The following TMEM272 variants were observed in gnomAD, a reference collection of about 807,000 sequenced individuals.
The protein encoded by TMEM272 is transmembrane protein 272, also known as long intergenic non-protein coding RNA 282.
A neutral mutation model predicts 3.7 loss-of-function variants in TMEM272; 8 were observed. The observed-to-expected ratio is 2.17, with a 90% CI of 1.27 to 3.91. TMEM272 has a LOEUF of 3.91. Among genes scored for constraint, TMEM272 ranks in the 30% most tolerant of loss-of-function variants. The pLI, the probability that TMEM272 is intolerant of heterozygous loss-of-function variation, is 0.00. For synonymous variants in TMEM272, 63 were observed against 39.8 expected (o/e 1.58, Z -2.20); for missense variants, 166 against 91.5 (o/e 1.81, Z -3.32).
At chr13:51,860,804 A>T in the TMEM272 span, among the ~76,000 whole-genome samples, 1 of 138,006 alleles carries the variant, frequency 7.2e-6, no homozygotes, top group Non-Finnish European at 1.6e-5. Context: ...ATATAGAAAA[A>T]ATATATATAT....
At chr13:51,849,811 G>A (rs151302004), upstream of TMEM272, among the ~76,000 whole-genome samples, 533 of 152,286 alleles carry the variant, frequency 3.5e-3, 5 homozygotes, top group African/African-American at 0.012. Context: ...AGTTCCCAGG[G>A]GCAAGTGTCA....
At chr13:51,922,926 T>C in the TMEM272 span, among the ~76,000 whole-genome samples, 1 of 152,338 alleles carries the variant, frequency 6.6e-6, no homozygotes, top group Non-Finnish European at 1.5e-5. Context: ...GCCACCCACA[T>C]GGTCCAGGAT....
At chr13:51,847,256 T>C (rs1283233768), upstream of TMEM272, among the ~76,000 whole-genome samples, 1 of 152,168 alleles carries the variant, frequency 6.6e-6, no homozygotes, top group Non-Finnish European at 1.5e-5. Flanking sequence ...CAGCAGGAGA[T>C]GAGTGGCAGG....
the TMEM272 span, among the ~76,000 whole-genome samples, chr13:51,913,935 G>T: frequency 6.6e-6 from 1 of 152,214 alleles, no homozygotes; most frequent in African/African-American, 2.4e-5. Flanking sequence ...AATGCCAGAG[G>T]CTGTCAGCCT....
upstream of TMEM272, among the ~76,000 whole-genome samples, chr13:51,848,422 A>G (rs1487750119): frequency 6.6e-6 from 1 of 152,220 alleles, no homozygotes; most frequent in African/African-American, 2.4e-5. Flanking sequence ...GGGAGATGAT[A>G]GTAGAATTGA....
At chr13:51,851,049 C>T in the TMEM272 span, among the ~76,000 whole-genome samples, 2 of 152,126 alleles carry the variant, frequency 1.3e-5, no homozygotes, top group African/African-American at 4.8e-5. Flanking sequence ...GTGTTCATTT[C>T]CAATTTTAAG....
chr13:51,896,721 A>G, the TMEM272 span, among the ~76,000 whole-genome samples: 1 of 152,154 alleles, frequency 6.6e-6, no homozygotes, highest in Non-Finnish European at 1.5e-5. Context: ...CCAACTGTGC[A>G]CTGATCCTTG....
chr13:51,816,752 C>A lies in TMEM272; in HGVS notation c.563G>T (p.Ter188LeuextTer49). ...SRWRLAADED[*>L] ...ATGGTATGCTGGACAAGGCAGCTGT[C>A]AGTCTTCATCGGCAGCAAGTCTCCA... The change falls in exon 5 of 5, where the codon TGA becomes TTA. Residue 188 changes from the stop codon to leucine, a stop_lost. Transcript: ENST00000629372. 1 of 696,558 alleles carries A rather than the reference C, an allele frequency of 1.4e-6. No homozygotes were observed. The highest frequency in any genetic ancestry group is 1.5e-5 in the South Asian group (1 of 67,258). 43.1% of individuals were successfully genotyped at this position (696,558 alleles called of 1,614,324 possible).
chr13:51,820,831 A>G (rs1956072306), intron 4 of TMEM272, among the ~76,000 whole-genome samples: 1 of 152,174 alleles, frequency 6.6e-6, no homozygotes, highest in South Asian at 2.1e-4. Context: ...TCCCAGGTAG[A>G]TCCCATGGGG....
At chr13:51,889,792 C>T in the TMEM272 span, among the ~76,000 whole-genome samples, 2 of 152,144 alleles carry the variant, frequency 1.3e-5, no homozygotes, top group Non-Finnish European at 2.9e-5. Flanking sequence ...CAGGCATGCG[C>T]CACCACGCCC....
At chr13:51,917,287 G>A in the TMEM272 span, among the ~76,000 whole-genome samples, 1 of 152,176 alleles carries the variant, frequency 6.6e-6, no homozygotes, top group Admixed American at 6.5e-5. Flanking sequence ...GCCAGGTGAA[G>A]GACAAGTTTT....
At chr13:51,841,468 C>A (rs1450474083) in intron 1 of TMEM272, among the ~76,000 whole-genome samples, 1 of 152,170 alleles carries the variant, frequency 6.6e-6, no homozygotes, top group Non-Finnish European at 1.5e-5. Context: ...CAGAAACTAA[C>A]GAGATGGGTC....
the TMEM272 span, chr13:51,866,327 G>A: frequency 2.4e-6 from 1 of 421,562 alleles, no homozygotes; most frequent in Non-Finnish European, 4.3e-6. Context: ...GTCCCAGGCA[G>A]CTCCCAGTGA....
chr13:51,816,724 T>C lies in TMEM272; in HGVS notation c.*27A>G, dbSNP rs1353545735. On this transcript the variant is annotated 3_prime_UTR_variant, in exon 5 of 5. Transcript: ENST00000629372. ...GCGCGTGCATGCACACGCATATGCATACATGGTATGCTGGACAAGGCAGCT... is the reference window on the plus strand; with the variant it reads ...GCGCGTGCATGCACACGCATATGCACACATGGTATGCTGGACAAGGCAGCT... 1 of 683,738 alleles carries C rather than the reference T, an allele frequency of 1.5e-6. No individual in the cohort carries two copies. The highest frequency in any genetic ancestry group is 2.7e-6 in the Non-Finnish European group (1 of 373,434). The allele number at this position is 683,738 out of a possible 1,614,324, so 42.4% of individuals were successfully genotyped here.
upstream of TMEM272, among the ~76,000 whole-genome samples, chr13:51,848,821 C>T (rs781302683): frequency 2.0e-5 from 3 of 152,106 alleles, no homozygotes; most frequent in Non-Finnish European, 4.4e-5. Flanking sequence ...CAAGATTGCA[C>T]AAAAGTTTGT....
the TMEM272 span, among the ~76,000 whole-genome samples, chr13:51,913,456 C>G: frequency 6.6e-6 from 1 of 152,256 alleles, no homozygotes; most frequent in Non-Finnish European, 1.5e-5. Flanking sequence ...TCTCCCTGCT[C>G]TCTAAGCCAG....
chr13:51,818,569 A>G (rs1956053852), intron 4 of TMEM272, among the ~76,000 whole-genome samples: 2 of 152,190 alleles, frequency 1.3e-5, no homozygotes, highest in South Asian at 2.1e-4. Context: ...CTTGACATAC[A>G]TTATCTCAAT....
At chr13:51,828,677 C>G (rs958164408) in intron 2 of TMEM272, among the ~76,000 whole-genome samples, 1 of 152,204 alleles carries the variant, frequency 6.6e-6, no homozygotes, top group African/African-American at 2.4e-5. Flanking sequence ...AAATAAATTT[C>G]TCTCGAAATC....
intron 1 of TMEM272, among the ~76,000 whole-genome samples, chr13:51,842,656 T>G (rs1022868691): frequency 2.6e-5 from 4 of 152,224 alleles, no homozygotes; most frequent in Admixed American, 1.3e-4. Flanking sequence ...TATATACATA[T>G]GCATATGTGC....
Sources: allele counts gnomAD v4.1 joint callset (sites outside exome capture counted in the v4.1 genomes callset), GRCh38; gene constraint gnomAD v4.1.1; transcripts MANE v1.5; gene names NCBI Gene and HGNC (gene_info 2026-07-23, HGNC 2026-07-21).